Variants in CYP7B1 observed in about 807,000 individuals in gnomAD.
CYP7B1 encodes the protein cytochrome P450 family 7 subfamily B member 1.
Under a neutral mutation model 42.7 loss-of-function variants are expected in CYP7B1, and 29 were observed. That is an observed-to-expected ratio of 0.68 (90% CI 0.51 to 0.93). The LOEUF is 0.93. CYP7B1 is among the 40% of genes least tolerant of loss of function. The probability of loss-of-function intolerance (pLI) is 0.00; values close to 1 mark genes in which losing one functional copy is unlikely to be tolerated. For synonymous variants in CYP7B1, 235 were observed against 218.2 expected (o/e 1.08, Z -0.68); for missense variants, 655 against 600.5 (o/e 1.09, Z -0.95).
At chr8:64,654,498 A>G (rs1161630934) in intron 1 of CYP7B1, among the ~76,000 whole-genome samples, 4 of 152,200 alleles carry the variant, frequency 2.6e-5, no homozygotes, top group Admixed American at 6.5e-5. Context: ...AGAATTACAA[A>G]ACACTGCTCA....
intron 1 of CYP7B1, among the ~76,000 whole-genome samples, chr8:64,625,836 T>C (rs538085815): frequency 6.6e-6 from 1 of 152,152 alleles, no homozygotes; most frequent in Non-Finnish European, 1.5e-5. Flanking sequence ...ATAAAGGCTA[T>C]GAGGGTTTCT....
intron 1 of CYP7B1, among the ~76,000 whole-genome samples, chr8:64,721,606 T>C (rs1807237466): frequency 6.6e-6 from 1 of 152,198 alleles, no homozygotes; most frequent in South Asian, 2.1e-4. Flanking sequence ...ATAGGACTTT[T>C]TCGCAACAGC....
At chr8:64,646,888 T>A (rs1211256876) in intron 1 of CYP7B1, among the ~76,000 whole-genome samples, 2 of 152,248 alleles carry the variant, frequency 1.3e-5, no homozygotes, top group African/African-American at 4.8e-5. Flanking sequence ...TTCACTGAAG[T>A]AACATTTGTA....
At chr8:64,758,023 C>T (rs1364701256) in intron 1 of CYP7B1, among the ~76,000 whole-genome samples, 1 of 152,226 alleles carries the variant, frequency 6.6e-6, no homozygotes, top group Admixed American at 6.5e-5. Flanking sequence ...CCATCCTTTG[C>T]TCCTGTTCCC....
intron 1 of CYP7B1, among the ~76,000 whole-genome samples, chr8:64,650,838 T>G (rs1806027712): frequency 6.6e-6 from 1 of 152,184 alleles, no homozygotes; most frequent in East Asian, 1.9e-4. Context: ...TAGGTTGGCC[T>G]TCACCTGTCC....
intron 1 of CYP7B1, among the ~76,000 whole-genome samples, chr8:64,788,624 C>A (rs1232718303): frequency 6.6e-6 from 1 of 152,076 alleles, no homozygotes; most frequent in African/African-American, 2.4e-5. Context: ...CCACCTGAGA[C>A]CCTGAACTGG....
intron 1 of CYP7B1, among the ~76,000 whole-genome samples, chr8:64,675,685 C>A (rs565038829): frequency 6.6e-6 from 1 of 152,160 alleles, no homozygotes; most frequent in Non-Finnish European, 1.5e-5. Context: ...ACATCAGGTA[C>A]AACACTGAAA....
chr8:64,593,232 G>GGGGGT lies in CYP7B1; in HGVS notation c.*3409_*3410insACCCC, dbSNP rs1285868725. On this transcript the variant is annotated 3_prime_UTR_variant, in exon 6 of 6. Transcript: ENST00000310193. ...TGGTGGACTAAAGGCTAGGGCCCAG[G>GGGGGT]GTGTGTGTGTGTGTGTGTGTGTGTG... Among the ~76,000 whole-genome samples the GGGGGT allele has an allele frequency of 1.3e-4, 16 of 123,448 alleles. No homozygotes were observed. The East Asian group carries it at 2.3e-3, about 18-fold the overall frequency. The allele number at this position is 123,448 out of a possible 152,430, so 81.0% of individuals were successfully genotyped here.
intron 1 of CYP7B1, among the ~76,000 whole-genome samples, chr8:64,721,775 T>A (rs1319694561): frequency 6.6e-6 from 1 of 152,122 alleles, no homozygotes; most frequent in Non-Finnish European, 1.5e-5. Context: ...TAACACTATA[T>A]CTTTATGATA....
intron 1 of CYP7B1, among the ~76,000 whole-genome samples, chr8:64,773,153 C>T (rs1194651715): frequency 6.6e-6 from 1 of 152,146 alleles, no homozygotes; most frequent in Non-Finnish European, 1.5e-5. Flanking sequence ...ATGTGAGCTC[C>T]ATAAGTGCAG....
intron 1 of CYP7B1, among the ~76,000 whole-genome samples, chr8:64,655,903 C>G (rs1806113716): frequency 6.6e-6 from 1 of 152,140 alleles, no homozygotes; most frequent in African/African-American, 2.4e-5. Flanking sequence ...CAAACTAACG[C>G]TGGAACAGAA....
At chr8:64,793,976 AAT>A (rs771765282) in intron 1 of CYP7B1, among the ~76,000 whole-genome samples, 41 of 150,134 alleles carry the variant, frequency 2.7e-4, no homozygotes, top group South Asian at 8.5e-4. Flanking sequence ...AAAAAAAAAC[AAT>A]CAACCAATTT....
At chr8:64,658,896 T>A (rs1053155417) in intron 1 of CYP7B1, among the ~76,000 whole-genome samples, 8 of 152,196 alleles carry the variant, frequency 5.3e-5, no homozygotes, top group African/African-American at 1.9e-4. Flanking sequence ...TACACACAGG[T>A]TTATCAGTAG....
intron 1 of CYP7B1, among the ~76,000 whole-genome samples, chr8:64,796,209 G>A (rs1391076207): frequency 6.6e-6 from 1 of 152,168 alleles, no homozygotes; most frequent in Non-Finnish European, 1.5e-5. Context: ...CATATATCCA[G>A]AAACTCTTAA....
Position 64,595,277 on chromosome 8 carries a change from T to C in CYP7B1, c.*1365A>G, listed in dbSNP as rs537245559. Among the ~76,000 whole-genome samples, 102 of 152,336 alleles carry C rather than the reference T, an allele frequency of 6.7e-4. No homozygotes were observed. Among genetic ancestry groups the C allele is most frequent in the African/African-American group, 2.3e-3 (97 of 41,572 alleles). On this transcript the variant is annotated 3_prime_UTR_variant, in exon 6 of 6. Transcript: ENST00000310193. ...TGTACTTCAGGAAGGATAAAATAAATGCTAGACTGTCTTATTTACTTACTA... is the reference window on the plus strand; with the variant it reads ...TGTACTTCAGGAAGGATAAAATAAACGCTAGACTGTCTTATTTACTTACTA...
intron 1 of CYP7B1, among the ~76,000 whole-genome samples, chr8:64,680,123 G>A (rs1265996439): frequency 1.3e-5 from 2 of 151,374 alleles, no homozygotes; most frequent in South Asian, 2.1e-4. Flanking sequence ...TCTGACTATT[G>A]TAGATTCTAC....
chr8:64,722,079 A>G (rs1807244688), intron 1 of CYP7B1, among the ~76,000 whole-genome samples: 1 of 152,228 alleles, frequency 6.6e-6, no homozygotes, highest in South Asian at 2.1e-4. Flanking sequence ...GGAAGTTCAG[A>G]AACTATAATT....
chr8:64,788,351 C>T (rs920234037), intron 1 of CYP7B1, among the ~76,000 whole-genome samples: 1 of 152,198 alleles, frequency 6.6e-6, no homozygotes, highest in African/African-American at 2.4e-5. Flanking sequence ...TTTGTGATAA[C>T]TTGATGAGAA....
At chr8:64,678,381 G>C (rs773989617) in intron 1 of CYP7B1, among the ~76,000 whole-genome samples, 3 of 152,020 alleles carry the variant, frequency 2.0e-5, no homozygotes, top group Non-Finnish European at 2.9e-5. Context: ...TGATCACTAG[G>C]CTAGCTGGAT....
Sources: gnomAD v4.1 joint callset for allele counts (sites outside exome capture counted in the v4.1 genomes callset) on GRCh38, gnomAD v4.1.1 for gene constraint, MANE v1.5 for transcripts, NCBI Gene and HGNC (gene_info 2026-07-23, HGNC 2026-07-21) for gene names.